Variants in TTC27 observed in about 807,000 individuals in gnomAD.
The protein encoded by TTC27 is tetratricopeptide repeat protein 27.
In TTC27, 79 loss-of-function variants were observed where a neutral mutation model predicts 115.9. The ratio of observed to expected loss-of-function variants is 0.68; its 90% CI spans 0.57 to 0.82. The LOEUF (loss-of-function observed/expected upper bound fraction) is 0.82. Ranked by LOEUF, TTC27 falls within the 40% of genes least tolerant of loss-of-function variation. TTC27 has a pLI of 0.00. For synonymous variants in TTC27, 401 were observed against 356.0 expected (o/e 1.13, Z -1.42); for missense variants, 1,054 against 993.1 (o/e 1.06, Z -0.82).
At chr2:32,779,760 T>G (rs1670112602) in intron 14 of TTC27, among the ~76,000 whole-genome samples, 1 of 152,240 alleles carries the variant, frequency 6.6e-6, no homozygotes, top group Non-Finnish European at 1.5e-5. Flanking sequence ...TCTTTTCTGC[T>G]AGGAGTTTTA....
intron 13 of TTC27, among the ~76,000 whole-genome samples, chr2:32,777,183 G>T (rs2148012430): frequency 6.6e-6 from 1 of 152,330 alleles, no homozygotes. Context: ...TGGTTAAGCT[G>T]CAGAAGTTCT....
chr2:32,668,560 C>CCCTCCCTTCCTCCCTTCCTTCCTT (rs376718119), intron 7 of TTC27, among the ~76,000 whole-genome samples: 1 of 15,972 alleles, frequency 6.3e-5, no homozygotes, highest in African/African-American at 2.3e-4. Context: ...CTCCCTCCCT[C>CCCTCCCTTCCTCCCTTCCTTCCTT]CCTTCCTTCC....
intron 12 of TTC27, among the ~76,000 whole-genome samples, chr2:32,746,099 A>G (rs909724917): frequency 1.3e-5 from 2 of 152,184 alleles, no homozygotes; most frequent in Non-Finnish European, 2.9e-5. Flanking sequence ...ATTTGTATGT[A>G]TGTGGAGCGG....
At chr2:32,706,010 G>C (rs1213302414) in intron 10 of TTC27, among the ~76,000 whole-genome samples, 1 of 150,326 alleles carries the variant, frequency 6.7e-6, no homozygotes, top group Non-Finnish European at 1.5e-5. Context: ...CTTGATTATG[G>C]ACTTATGGAT....
At chr2:32,665,122 C>T (rs1189894958) in intron 6 of TTC27, among the ~76,000 whole-genome samples, 1 of 152,106 alleles carries the variant, frequency 6.6e-6, no homozygotes, top group Non-Finnish European at 1.5e-5. Context: ...GCTGGGACTA[C>T]AGGTGTGAGC....
At chr2:32,792,193 G>A (rs1670559717) in intron 16 of TTC27, among the ~76,000 whole-genome samples, 1 of 152,232 alleles carries the variant, frequency 6.6e-6, no homozygotes. Flanking sequence ...GGGGACAGGA[G>A]AAGATGGTGT....
At chr2:32,794,269 G>A (rs2148029272) in intron 16 of TTC27, among the ~76,000 whole-genome samples, 1 of 152,086 alleles carries the variant, frequency 6.6e-6, no homozygotes, top group East Asian at 1.9e-4. Flanking sequence ...GACTACCCCA[G>A]GATGAAATTA....
chr2:32,803,366 A>G (rs1445171834), intron 16 of TTC27, among the ~76,000 whole-genome samples: 1 of 152,202 alleles, frequency 6.6e-6, no homozygotes, highest in African/African-American at 2.4e-5. Flanking sequence ...CTGGGCTGGC[A>G]CTGCTGTTTC....
At chr2:32,663,366 G>A (rs560196788) in intron 5 of TTC27, among the ~76,000 whole-genome samples, 1 of 152,144 alleles carries the variant, frequency 6.6e-6, no homozygotes, top group African/African-American at 2.4e-5. Context: ...TAGTATCTGG[G>A]TCAGAATGCA....
intron 11 of TTC27, among the ~76,000 whole-genome samples, 160 bp downstream of exon 11, chr2:32,734,083 T>A (rs777948018): frequency 3.9e-5 from 6 of 152,262 alleles, no homozygotes; most frequent in Non-Finnish European, 5.9e-5. Context: ...CAAATTGCTA[T>A]TTTGATTAAA....
At chr2:32,645,985 CT>C (rs1237867674) in intron 4 of TTC27, among the ~76,000 whole-genome samples, 1 of 151,548 alleles carries the variant, frequency 6.6e-6, no homozygotes, top group African/African-American at 2.4e-5. Flanking sequence ...TCCCAAAGTG[CT>C]GGGATTACAG....
intron 15 of TTC27, among the ~76,000 whole-genome samples, chr2:32,785,893 CTGT>C (rs201178930): frequency 0.011 from 1,718 of 152,136 alleles, 33 homozygotes; most frequent in African/African-American, 0.039. Flanking sequence ...TGTGCCTGGC[CTGT>C]TGTTGTTTTA....
intron 7 of TTC27, among the ~76,000 whole-genome samples, chr2:32,670,596 T>C (rs1665976331): frequency 6.6e-6 from 1 of 151,806 alleles, no homozygotes; most frequent in Admixed American, 6.6e-5. Context: ...AGTCTTTGTG[T>C]GAACGTAAGT....
intron 16 of TTC27, among the ~76,000 whole-genome samples, chr2:32,787,677 C>G (rs1305770929): frequency 6.6e-6 from 1 of 151,972 alleles, no homozygotes; most frequent in Non-Finnish European, 1.5e-5. Flanking sequence ...TTGTGTCATC[C>G]AAAATATTAA....
intron 10 of TTC27, among the ~76,000 whole-genome samples, chr2:32,717,127 C>A (rs1228940799): frequency 1.3e-5 from 2 of 151,848 alleles, no homozygotes; most frequent in Non-Finnish European, 2.9e-5. Flanking sequence ...TTTCAGCCCC[C>A]CACGCCCAAC....
chr2:32,805,403 G>A (rs1238187106), intron 16 of TTC27, among the ~76,000 whole-genome samples: 3 of 152,170 alleles, frequency 2.0e-5, no homozygotes, highest in Admixed American at 2.0e-4. Context: ...TGACTCACTT[G>A]CTGTGTAACC....
At chr2:32,804,012 AAAAAAAAAAAAAG>A (rs1322661753) in intron 16 of TTC27, among the ~76,000 whole-genome samples, 1 of 147,198 alleles carries the variant, frequency 6.8e-6, no homozygotes, top group African/African-American at 2.5e-5. Context: ...ATCTCAATTA[AAAAAAAAAAAAAG>A]AAAAAAATGC....
chr2:32,663,271 G>A (rs1340174924), intron 5 of TTC27, among the ~76,000 whole-genome samples: 2 of 152,194 alleles, frequency 1.3e-5, no homozygotes, highest in African/African-American at 4.8e-5. Context: ...CGGCTGCCCA[G>A]TTTTGTGCTT....
chr2:32,706,314 C>T (rs57815186), intron 10 of TTC27, among the ~76,000 whole-genome samples: 48,202 of 151,490 alleles, frequency 0.32, 7,888 homozygotes, highest in Middle Eastern at 0.47. Context: ...AACTCCTGAC[C>T]TCAAGTTATC....
Sources: allele counts gnomAD v4.1 joint callset (sites outside exome capture counted in the v4.1 genomes callset), GRCh38; gene constraint gnomAD v4.1.1; transcripts MANE v1.5; gene names NCBI Gene and HGNC (gene_info 2026-07-23, HGNC 2026-07-21).